The following DLG2 variants were observed in gnomAD, a reference collection of about 807,000 sequenced individuals.
The protein encoded by DLG2 is discs large MAGUK scaffold protein 2.
DLG2 carries 45 observed loss-of-function variants against 132.5 expected under a neutral mutation model. The ratio of observed to expected loss-of-function variants is 0.34; its 90% confidence interval spans 0.27 to 0.44. DLG2 has a LOEUF of 0.44. DLG2 is among the 20% of genes least tolerant of loss of function. DLG2 has a pLI of 1.00. For missense variants in DLG2, 1,045 were observed against 1,196.9 expected, an observed-to-expected ratio of 0.87 and a Z score of 1.87; for synonymous variants, 424 against 419.6, an observed-to-expected ratio of 1.01 and a Z score of -0.13.
chr11:85,622,016 C>T (rs1297640776), intron 2 of DLG2, among the ~76,000 whole-genome samples: 1 of 152,134 alleles, frequency 6.6e-6, no homozygotes, highest in African/African-American at 2.4e-5. Context: ...AACAAATTGC[C>T]TTAGACATCC....
intron 7 of DLG2, among the ~76,000 whole-genome samples, chr11:84,436,431 G>A (rs1003939490): frequency 6.6e-6 from 1 of 152,152 alleles, no homozygotes; most frequent in Non-Finnish European, 1.5e-5. Context: ...CCACAGGCCA[G>A]GAGAGCCATC....
intron 6 of DLG2, among the ~76,000 whole-genome samples, chr11:85,074,380 G>A (rs76746896): frequency 8.6e-4 from 131 of 151,912 alleles, no homozygotes; most frequent in African/African-American, 3.1e-3. Flanking sequence ...GAATCAGCAG[G>A]TGCTTACAAT....
At chr11:85,297,822 A>C (rs1565286979) in intron 3 of DLG2, among the ~76,000 whole-genome samples, 1 of 152,286 alleles carries the variant, frequency 6.6e-6, no homozygotes, top group East Asian at 1.9e-4. Flanking sequence ...AGACCACAGC[A>C]GAGTTACAGA....
intron 8 of DLG2, among the ~76,000 whole-genome samples, chr11:84,208,222 C>T (rs570742440): frequency 6.6e-6 from 1 of 152,252 alleles, no homozygotes; most frequent in South Asian, 2.1e-4. Context: ...CCTGCAACTC[C>T]TGTCTCCCTG....
At chr11:83,809,752 G>A (rs2046800258) in intron 17 of DLG2, among the ~76,000 whole-genome samples, 1 of 152,088 alleles carries the variant, frequency 6.6e-6, no homozygotes, top group Non-Finnish European at 1.5e-5. Flanking sequence ...TATGAAATAA[G>A]TACTGAAATG....
At chr11:84,008,624 G>C (rs1210209440) in intron 11 of DLG2, among the ~76,000 whole-genome samples, 5 of 151,730 alleles carry the variant, frequency 3.3e-5, no homozygotes, top group Non-Finnish European at 4.4e-5. Flanking sequence ...CAGGTATTTT[G>C]ATAATAGAGA....
chr11:84,540,361 C>A (rs1195662795), intron 6 of DLG2, among the ~76,000 whole-genome samples: 150 of 147,346 alleles, frequency 1.0e-3, no homozygotes, highest in Middle Eastern at 3.5e-3. Context: ...AAAAAAAAAA[C>A]CCCATCAAAA....
chr11:85,031,395 T>G (rs771553796), intron 6 of DLG2, among the ~76,000 whole-genome samples: 11 of 152,170 alleles, frequency 7.2e-5, no homozygotes, highest in South Asian at 2.1e-4. Flanking sequence ...CTTTTTATAA[T>G]AGTCATCCCA....
chr11:84,524,290 T>C (rs964530195), intron 7 of DLG2, among the ~76,000 whole-genome samples: 8 of 152,218 alleles, frequency 5.3e-5, no homozygotes, highest in Non-Finnish European at 8.8e-5. Context: ...GGTTCAGTCC[T>C]ATGCCTAACA....
At chr11:84,498,774 C>T (rs1567792079) in intron 7 of DLG2, among the ~76,000 whole-genome samples, 1 of 152,066 alleles carries the variant, frequency 6.6e-6, no homozygotes, top group Non-Finnish European at 1.5e-5. Flanking sequence ...TTTCTTAATC[C>T]CCACATGTCA....
At chr11:83,489,505 A>G (rs746654189) in intron 21 of DLG2, among the ~76,000 whole-genome samples, 2 of 151,932 alleles carry the variant, frequency 1.3e-5, no homozygotes, top group Non-Finnish European at 2.9e-5. Flanking sequence ...CAACAATTAC[A>G]ACAACCAAAC....
At chr11:85,253,530 G>T (rs546778374) in intron 4 of DLG2, among the ~76,000 whole-genome samples, 21 of 152,074 alleles carry the variant, frequency 1.4e-4, no homozygotes, top group Non-Finnish European at 2.9e-4. Context: ...CGACAAGAGC[G>T]AACTACATAC....
chr11:84,498,239 T>C (rs1170412312), intron 7 of DLG2, among the ~76,000 whole-genome samples: 3 of 152,216 alleles, frequency 2.0e-5, no homozygotes, highest in Non-Finnish European at 4.4e-5. Context: ...AATGCCTACA[T>C]TGTGTTTCTA....
chr11:85,188,785 G>C (rs371340157), intron 4 of DLG2, among the ~76,000 whole-genome samples: 2 of 152,092 alleles, frequency 1.3e-5, no homozygotes, highest in Non-Finnish European at 2.9e-5. Context: ...CAGTAAACTT[G>C]AAGATTAGAA....
intron 12 of DLG2, among the ~76,000 whole-genome samples, chr11:83,977,277 C>T (rs188622054): frequency 7.4e-4 from 112 of 151,956 alleles, no homozygotes; most frequent in South Asian, 2.7e-3. Flanking sequence ...GAAATGTAAA[C>T]GCAACCATCA....
intron 3 of DLG2, among the ~76,000 whole-genome samples, chr11:85,501,413 A>G (rs1427494643): frequency 6.6e-6 from 1 of 152,188 alleles, no homozygotes; most frequent in Admixed American, 6.6e-5. Context: ...GCCAAACTAG[A>G]CAAATGGGAT....
chr11:84,736,542 G>A (rs566275960), intron 6 of DLG2, among the ~76,000 whole-genome samples: 1 of 151,520 alleles, frequency 6.6e-6, no homozygotes, highest in African/African-American at 2.4e-5. Context: ...TACTTTTAAG[G>A]TCTTTAATTT....
intron 6 of DLG2, among the ~76,000 whole-genome samples, chr11:84,773,462 A>G (rs1400337689): frequency 6.6e-6 from 1 of 152,176 alleles, no homozygotes; most frequent in Non-Finnish European, 1.5e-5. Context: ...TGGCAGAGAC[A>G]CAATGAAGAA....
rs563885161 is a variant in DLG2, at chr11:84,195,366, A to G, written c.574-31855T>C. ...TTCTAGTAGAGACGGGGTTTCACCCATGTTGGCCAGGATGGTCTCAATCTC... is the reference window on the plus strand; with the variant it reads ...TTCTAGTAGAGACGGGGTTTCACCCGTGTTGGCCAGGATGGTCTCAATCTC... On this transcript the variant is annotated intron_variant, in intron 8 of 27. Coordinates refer to ENST00000376104, the MANE Select transcript of DLG2 (RefSeq NM_001142699.3). Among the ~76,000 whole-genome samples, 439 of 152,130 alleles carry G rather than the reference A, an allele frequency of 2.9e-3. 4 individuals are homozygous for G. The highest frequency in any genetic ancestry group is 0.01 in the African/African-American group (429 of 41,518).
Sources: gnomAD v4.1 joint callset for allele counts (sites outside exome capture counted in the v4.1 genomes callset) on GRCh38, gnomAD v4.1.1 for gene constraint, MANE v1.5 for transcripts, NCBI Gene and HGNC (gene_info 2026-07-23, HGNC 2026-07-21) for gene names.